Variants in C2CD3 observed in about 807,000 individuals in gnomAD.
C2CD3 encodes C2 domain containing 3 centriole elongation regulator.
A neutral mutation model predicts 234.0 loss-of-function variants in C2CD3; 148 were observed. The observed-to-expected ratio is 0.63, with a 90% CI of 0.55 to 0.72. The LOEUF (loss-of-function observed/expected upper bound fraction) is 0.72, where lower values mean the gene tolerates loss of function less well. Ranked by LOEUF, C2CD3 falls within the 30% of genes least tolerant of loss-of-function variation. The pLI, the probability that C2CD3 is intolerant of heterozygous loss-of-function variation, is 0.00. For synonymous variants in C2CD3, 1,000 were observed against 1,035.4 expected, an observed-to-expected ratio of 0.97 and a Z score of 0.66; for missense variants, 2,577 against 2,811.5, an observed-to-expected ratio of 0.92 and a Z score of 1.89.
Position 74,085,459 on chromosome 11 carries a change from G to C in C2CD3, c.3910+159C>G, listed in dbSNP as rs144504505. Reference sequence around the variant, plus strand: ...ACACTATCTTTCTCTTACATACTTAGTACATATCCTTATTTTTTGCTATAT... The same window carrying C: ...ACACTATCTTTCTCTTACATACTTACTACATATCCTTATTTTTTGCTATAT... On this transcript the variant is annotated intron_variant, in intron 21 of 32. Transcript: ENST00000334126. The C allele has an allele frequency of 7.2e-5, 49 of 683,994 alleles. No individual in the cohort carries two copies. In the East Asian group the frequency reaches 1.2e-3, roughly 17 times the overall value. 42.4% of individuals were successfully genotyped at this position (683,994 alleles called of 1,614,324 possible). A position where few individuals can be genotyped will look rare whatever the true frequency, so the allele number is the denominator to read the frequency against.
At chr11:74,095,729 T>G (rs974821031) in intron 16 of C2CD3, among the ~76,000 whole-genome samples, 13 of 152,208 alleles carry the variant, frequency 8.5e-5, no homozygotes, top group Admixed American at 6.5e-5. Context: ...ATAAAAGCTC[T>G]TAATATACTA....
chr11:74,058,090 T>C (rs1438154221), intron 24 of C2CD3, among the ~76,000 whole-genome samples: 1 of 152,202 alleles, frequency 6.6e-6, no homozygotes, highest in African/African-American at 2.4e-5. Flanking sequence ...TGTGGGAAGA[T>C]GGAAAATACT....
chr11:74,132,881 T>C lies in C2CD3; in HGVS notation c.1180A>G (p.Lys394Glu), dbSNP rs1424305430. ...TENTFWRHDTKADTRAIQLLL... is the reference protein window; with the variant it reads ...TENTFWRHDTEADTRAIQLLL... ...AGCTGTATAGCTCTGGTATCAGCTT[T>C]TGTGTCATGTCTCCAAAATGTATTC... The change falls in exon 7 of 33, where the codon AAA becomes GAA. Residue 394 changes from lysine (K) to glutamate (E), a missense_variant. Physicochemically the swap from Lys to Glu is moderately conservative, Grantham distance 56. Transcript: ENST00000334126. 2 of 1,613,982 alleles carry C rather than the reference T, an allele frequency of 1.2e-6. No individual in the cohort carries two copies. The highest frequency in any genetic ancestry group is 4.5e-5 in the East Asian group (2 of 44,852).
At chr11:74,040,089 A>G (rs1276894614) in intron 29 of C2CD3, among the ~76,000 whole-genome samples, 1 of 152,214 alleles carries the variant, frequency 6.6e-6, no homozygotes, top group Non-Finnish European at 1.5e-5. Flanking sequence ...GCAGGAGGTG[A>G]GTGGGGGCAA....
chr11:74,037,355 A>C, intron 30 of C2CD3, 123 bp downstream of exon 30: 1 of 759,828 alleles, frequency 1.3e-6, no homozygotes, highest in East Asian at 2.5e-5. Context: ...AAAAAAAGGA[A>C]GAGGGTGAAA....
chr11:74,022,648 A>G (rs917942618), intron 32 of C2CD3, among the ~76,000 whole-genome samples: 1 of 152,212 alleles, frequency 6.6e-6, no homozygotes, highest in African/African-American at 2.4e-5. Flanking sequence ...CCTCCCCTGT[A>G]TGGAAGTTGA....
chr11:74,091,946 A>G (rs976422273), intron 19 of C2CD3, among the ~76,000 whole-genome samples: 1 of 152,122 alleles, frequency 6.6e-6, no homozygotes, highest in African/African-American at 2.4e-5. Flanking sequence ...CAGATCCTCA[A>G]AAGGGCAAAT....
Position 74,170,997 on chromosome 11 carries a change from C to A in C2CD3, c.-205G>T. ...GCGCCAAGACGCCTTCCCTCCAATA[C>A]ACTACAATACCCAGGACGCTTTGCT... On this transcript the variant is annotated 5_prime_UTR_variant, in exon 1 of 33. Transcript: ENST00000334126. 8.2e-7 allele frequency: 1 copy of A among 1,223,748 alleles called. No individual in the cohort carries two copies. Among genetic ancestry groups the A allele is most frequent in the South Asian group, 1.3e-5 (1 of 74,672 alleles). 75.8% of individuals were successfully genotyped at this position (1,223,748 alleles called of 1,614,324 possible).
chr11:74,130,226 CTTT>C (rs752226149), intron 7 of C2CD3, among the ~76,000 whole-genome samples: 3 of 128,958 alleles, frequency 2.3e-5, no homozygotes, highest in African/African-American at 5.7e-5. Flanking sequence ...AAGGGTCCAA[CTTT>C]TTTTTTTTTT....
chr11:74,050,469 G>A (rs1214173030), intron 26 of C2CD3, among the ~76,000 whole-genome samples: 1 of 152,114 alleles, frequency 6.6e-6, no homozygotes, highest in African/African-American at 2.4e-5. Context: ...CCTCATTTCT[G>A]ACATGACGTA....
intron 11 of C2CD3, 89 bp downstream of exon 11, chr11:74,113,691 A>AG (rs1402492425): frequency 1.2e-6 from 1 of 837,796 alleles, no homozygotes; most frequent in East Asian, 2.5e-5. Context: ...AAAAAAAAAA[A>AG]AAAAAAAAAG....
intron 3 of C2CD3, among the ~76,000 whole-genome samples, chr11:74,156,625 C>A (rs1856043303): frequency 6.6e-6 from 1 of 152,006 alleles, no homozygotes; most frequent in African/African-American, 2.4e-5. Context: ...GCCTGGGAAA[C>A]ATAGTGAGAT....
At chr11:74,105,768 A>G (rs979031322) in intron 13 of C2CD3, among the ~76,000 whole-genome samples, 1 of 152,136 alleles carries the variant, frequency 6.6e-6, no homozygotes, top group Non-Finnish European at 1.5e-5. Flanking sequence ...GCCACCATCA[A>G]TCATCTCTTT....
intron 2 of C2CD3, chr11:74,164,742 T>C (rs911687960): frequency 4.6e-5 from 7 of 152,172 alleles, no homozygotes; most frequent in African/African-American, 1.7e-4. Context: ...GTTTTTGCAA[T>C]TGCCTTAACT....
intron 25 of C2CD3, among the ~76,000 whole-genome samples, chr11:74,055,164 A>G (rs769313253): frequency 3.5e-4 from 54 of 152,336 alleles, no homozygotes; most frequent in Non-Finnish European, 7.5e-4. Context: ...TCCTTATTTT[A>G]CAGATGATAA....
At chr11:74,025,972 A>G (rs1487499807) in intron 32 of C2CD3, among the ~76,000 whole-genome samples, 3 of 152,106 alleles carry the variant, frequency 2.0e-5, no homozygotes, top group Non-Finnish European at 4.4e-5. Context: ...AATGCAAGGG[A>G]AAGCACAGAG....
intron 7 of C2CD3, among the ~76,000 whole-genome samples, chr11:74,124,484 T>C (rs1435860006): frequency 6.6e-6 from 1 of 152,152 alleles, no homozygotes; most frequent in Non-Finnish European, 1.5e-5. Flanking sequence ...TGGCCTCCAC[T>C]TACCAGATGC....
intron 19 of C2CD3, 110 bp from the exon 20 acceptor site, chr11:74,091,046 A>G (rs1361219118): frequency 2.9e-6 from 3 of 1,025,768 alleles, no homozygotes; most frequent in Non-Finnish European, 4.3e-6. Flanking sequence ...TACAACGAAC[A>G]ATAAGGGCAA....
At position 74,118,297 on chromosome 11, in the gene C2CD3, G is replaced by C. The variant is rs1474791018; in HGVS notation, c.1451C>G (p.Ala484Gly). The change falls in exon 9 of 33, where the codon GCC (alanine) becomes GGC (glycine). Residue 484 changes from alanine to glycine, a missense_variant. By Grantham distance (60) the Ala-to-Gly change is moderately conservative (BLOSUM62 0). Coordinates refer to ENST00000334126, the MANE Select transcript of C2CD3 (RefSeq NM_001286577.2). ...TGACTCCAGAACCTTAGATGATCTG[G>C]CAAGAGCTGTTGACTGGCTTATTTT... is the stretch of plus-strand genomic sequence containing the variant. ...SKKISQSTAL[A>G]RSSKVLESSD... 5.6e-6 allele frequency: 9 copies of C among 1,613,496 alleles called. No individual in the cohort carries two copies. Among genetic ancestry groups the C allele is most frequent in the Non-Finnish European group, 7.6e-6 (9 of 1,179,490 alleles).
Sources: gnomAD v4.1 joint callset for allele counts (sites outside exome capture counted in the v4.1 genomes callset) on GRCh38, gnomAD v4.1.1 for gene constraint, MANE v1.5 for transcripts, NCBI Gene and HGNC (gene_info 2026-07-23, HGNC 2026-07-21) for gene names.